The following IL15 variants were observed in gnomAD, a reference collection of about 807,000 sequenced individuals.
IL15 encodes interleukin-15.
IL15 carries 11 observed loss-of-function variants against 19.6 expected under a neutral mutation model. That is an observed-to-expected ratio of 0.56 (90% CI 0.35 to 0.93). The LOEUF is 0.93. Among genes scored for constraint, IL15 ranks in the 40% least tolerant of loss-of-function variants. The probability of loss-of-function intolerance (pLI) is 0.01; values close to 1 mark genes in which losing one functional copy is unlikely to be tolerated. For synonymous variants in IL15, 58 were observed against 59.6 expected (o/e 0.97, Z 0.12); for missense variants, 197 against 186.5 (o/e 1.06, Z -0.33).
intron 2 of IL15, among the ~76,000 whole-genome samples, chr4:141,659,966 A>G (rs923764843): frequency 2.6e-5 from 4 of 152,084 alleles, no homozygotes; most frequent in African/African-American, 9.7e-5. Flanking sequence ...ATAGTTATTC[A>G]TGTCAGGATT....
At chr4:141,712,290 A>G (rs1296635335) in intron 2 of IL15, among the ~76,000 whole-genome samples, 2 of 152,104 alleles carry the variant, frequency 1.3e-5, no homozygotes, top group East Asian at 1.9e-4. Context: ...GACTAGAGGA[A>G]CAGATATCAT....
intron 2 of IL15, among the ~76,000 whole-genome samples, chr4:141,673,588 G>C (rs1462860535): frequency 6.6e-6 from 1 of 152,064 alleles, no homozygotes; most frequent in African/African-American, 2.4e-5. Flanking sequence ...ACTGTTCTCA[G>C]AGCGCTTGGC....
At chr4:141,638,990 G>A (rs1322111399) in intron 1 of IL15, among the ~76,000 whole-genome samples, 1 of 152,172 alleles carries the variant, frequency 6.6e-6, no homozygotes, top group African/African-American at 2.4e-5. Context: ...TCATAATACA[G>A]AGTTCTGTCT....
At chr4:141,693,016 C>CAAAAAAAAAAAAAAAAAAAA (rs70949131) in intron 2 of IL15, among the ~76,000 whole-genome samples, 255 of 23,226 alleles carry the variant, frequency 0.011, 62 homozygotes, top group African/African-American at 0.015. Flanking sequence ...GACTCCGTCT[C>CAAAAAAAAAAAAAAAAAAAA]AAAAAAAAAA....
intron 2 of IL15, among the ~76,000 whole-genome samples, chr4:141,685,918 A>G (rs1435043342): frequency 6.6e-6 from 1 of 152,114 alleles, no homozygotes; most frequent in African/African-American, 2.4e-5. Context: ...GGGTCGCCTC[A>G]TTAGTCTTTA....
intron 2 of IL15, chr4:141,715,842 G>A (rs998261622): frequency 1.3e-5 from 2 of 152,116 alleles, no homozygotes; most frequent in Non-Finnish European, 1.5e-5. Flanking sequence ...AAAACATCAA[G>A]TATGTTAGAT....
intron 5 of IL15, among the ~76,000 whole-genome samples, chr4:141,723,345 T>A (rs1730154881): frequency 6.6e-6 from 1 of 152,070 alleles, no homozygotes; most frequent in South Asian, 2.1e-4. Context: ...CAATGACAAG[T>A]GTCTTTATTA....
chr4:141,655,941 A>AT (rs1164282283), intron 1 of IL15, among the ~76,000 whole-genome samples: 2 of 152,140 alleles, frequency 1.3e-5, no homozygotes, highest in East Asian at 3.8e-4. Context: ...ATGATATATG[A>AT]TTTTTTTCTC....
chr4:141,710,397 T>C (rs1729676965), intron 2 of IL15, among the ~76,000 whole-genome samples: 1 of 152,220 alleles, frequency 6.6e-6, no homozygotes, highest in Non-Finnish European at 1.5e-5. Flanking sequence ...TTTTCTCTAT[T>C]CTTGTTACTA....
chr4:141,706,160 T>G (rs1223212750), intron 2 of IL15, among the ~76,000 whole-genome samples: 4 of 152,046 alleles, frequency 2.6e-5, no homozygotes, highest in Non-Finnish European at 4.4e-5. Flanking sequence ...TTTTATTGTT[T>G]ATCTCTGTGG....
chr4:141,655,381 A>G (rs1727554265), intron 1 of IL15, among the ~76,000 whole-genome samples: 1 of 152,130 alleles, frequency 6.6e-6, no homozygotes, highest in African/African-American at 2.4e-5. Context: ...AAAAAGAAAA[A>G]AAAAAACAAT....
intron 2 of IL15, among the ~76,000 whole-genome samples, chr4:141,670,510 T>A (rs1728136428): frequency 6.6e-6 from 1 of 152,210 alleles, no homozygotes; most frequent in African/African-American, 2.4e-5. Flanking sequence ...TTAATGAGTT[T>A]ATTTATTCCC....
intron 2 of IL15, among the ~76,000 whole-genome samples, chr4:141,693,289 C>A (rs1483736252): frequency 6.6e-6 from 1 of 152,102 alleles, no homozygotes; most frequent in African/African-American, 2.4e-5. Flanking sequence ...ATGGTCCAAT[C>A]ACCCCCCACT....
intron 2 of IL15, among the ~76,000 whole-genome samples, chr4:141,698,035 T>C (rs1381124953): frequency 1.3e-5 from 2 of 152,134 alleles, no homozygotes; most frequent in Non-Finnish European, 2.9e-5. Context: ...TGTTCAGGGT[T>C]TTAATTATAA....
At chr4:141,652,155 A>C (rs746303309) in intron 1 of IL15, among the ~76,000 whole-genome samples, 2 of 152,168 alleles carry the variant, frequency 1.3e-5, no homozygotes, top group African/African-American at 2.4e-5. Flanking sequence ...CAAGAATGGC[A>C]ATCTATTTAT....
chr4:141,724,764 T>C lies in IL15; in HGVS notation c.195+2756T>C, dbSNP rs576064012. Among the ~76,000 whole-genome samples, 3 of 151,964 alleles carry C rather than the reference T, an allele frequency of 2.0e-5. No individual in the cohort carries two copies. The South Asian group carries it at 6.2e-4, about 32-fold the overall frequency. ...AACATAATGAAGATGAAATAGACAA[T>C]CCAAACACTCATATAATCACTAAAT... is the stretch of plus-strand genomic sequence containing the variant. On this transcript the variant is annotated intron_variant, in intron 5 of 7. Coordinates refer to ENST00000320650, the MANE Select transcript of IL15 (RefSeq NM_000585.5).
intron 2 of IL15, among the ~76,000 whole-genome samples, chr4:141,667,451 G>T (rs997514857): frequency 1.2e-4 from 18 of 152,140 alleles, no homozygotes; most frequent in South Asian, 2.1e-4. Flanking sequence ...TTGGTTAGGA[G>T]AAATCCCCAC....
chr4:141,679,328 A>G (rs534036314), intron 2 of IL15, among the ~76,000 whole-genome samples: 1 of 152,308 alleles, frequency 6.6e-6, no homozygotes, highest in South Asian at 2.1e-4. Flanking sequence ...TTTTAGTTTG[A>G]CCACTAAGAA....
chr4:141,676,574 G>A (rs936956883), intron 2 of IL15, among the ~76,000 whole-genome samples: 1 of 152,164 alleles, frequency 6.6e-6, no homozygotes, highest in Non-Finnish European at 1.5e-5. Context: ...ATGAAAGAGA[G>A]CCCTGATAGA....
Sources: allele counts gnomAD v4.1 joint callset (sites outside exome capture counted in the v4.1 genomes callset), GRCh38; gene constraint gnomAD v4.1.1; transcripts MANE v1.5; gene names NCBI Gene and HGNC (gene_info 2026-07-23, HGNC 2026-07-21).